Variants in TFCP2 observed in about 807,000 individuals in gnomAD.
TFCP2 encodes the protein transcription factor CP2, also known as alpha-globin transcription factor CP2.
A neutral mutation model predicts 73.4 loss-of-function variants in TFCP2; 33 were observed. The ratio of observed to expected loss-of-function variants is 0.45; its 90% confidence interval spans 0.34 to 0.60. The LOEUF is 0.60. Ranked by LOEUF, TFCP2 falls within the 20% of genes least tolerant of loss-of-function variation. The probability of loss-of-function intolerance (pLI) is 0.01; values close to 1 mark genes in which losing one functional copy is unlikely to be tolerated. For missense variants in TFCP2, 352 were observed against 604.0 expected (o/e 0.58, Z 4.37); for synonymous variants, 193 against 211.6 (o/e 0.91, Z 0.76).
In TFCP2 at chr12:51,097,459, G is replaced by A. The variant is rs574115221; in HGVS notation, c.1419+1317C>T. On this transcript the variant is annotated intron_variant, in intron 13 of 14. Transcript: ENST00000257915. ...GATGGGGTTTCACCATCTTGGACAC[G>A]ATGGTCTTGAACTTCTGACCTTGTG... Among the ~76,000 whole-genome samples, 8 of 151,954 alleles carry A rather than the reference G, an allele frequency of 5.3e-5. No homozygotes were observed. The East Asian group carries it at 9.8e-4, about 19-fold the overall frequency.
At chr12:51,171,882 C>G (rs1941870220) in intron 1 of TFCP2, among the ~76,000 whole-genome samples, 1 of 152,184 alleles carries the variant, frequency 6.6e-6, no homozygotes, top group African/African-American at 2.4e-5. Context: ...ATCTTTCCAA[C>G]AAGAAACGAA....
At position 51,104,316 on chromosome 12, in the gene TFCP2, C is replaced by T. The variant is rs538698305; in HGVS notation, c.918-113G>A. On this transcript the variant is annotated intron_variant, in intron 8 of 14. Coordinates refer to ENST00000257915, the MANE Select transcript of TFCP2 (RefSeq NM_005653.5). ...GCTAGAGATTAAAAAAAAATCTGTGCTCTCTCATAACACATTCTTATTCTT... is the reference window on the plus strand; with the variant it reads ...GCTAGAGATTAAAAAAAAATCTGTGTTCTCTCATAACACATTCTTATTCTT... The T allele has an allele frequency of 7.9e-4, 685 of 870,880 alleles. 2 individuals are homozygous for T. In the African/African-American group the frequency reaches 0.011, roughly 14 times the overall value. 53.9% of individuals were successfully genotyped at this position (870,880 alleles called of 1,614,324 possible).
chr12:51,169,627 G>A (rs1182183100), intron 1 of TFCP2, among the ~76,000 whole-genome samples: 4 of 152,200 alleles, frequency 2.6e-5, no homozygotes, highest in Non-Finnish European at 4.4e-5. Flanking sequence ...GAAGGCTGAA[G>A]TGAGAGGATC....
chr12:51,116,143 A>G (rs937507255), intron 4 of TFCP2, among the ~76,000 whole-genome samples, 172 bp downstream of exon 4: 4 of 152,246 alleles, frequency 2.6e-5, no homozygotes, highest in Non-Finnish European at 2.9e-5. Flanking sequence ...TTCAATTTTG[A>G]TATCATTTTA....
At chr12:51,098,108 C>A (rs1387358092) in intron 13 of TFCP2, among the ~76,000 whole-genome samples, 4 of 151,106 alleles carry the variant, frequency 2.6e-5, no homozygotes, top group Admixed American at 2.0e-4. Flanking sequence ...AGAATTCTAA[C>A]TGTTAAAGAA....
At position 51,104,215 on chromosome 12, in the gene TFCP2, T is replaced by C; in HGVS notation, c.918-12A>G. 1.2e-6 allele frequency: 2 copies of C among 1,613,206 alleles called. No homozygotes were observed. The highest frequency in any genetic ancestry group is 1.7e-6 in the Non-Finnish European group (2 of 1,179,380). Reference sequence around the variant, plus strand: ...TTGGTGAACCATTTCTAAAGAAACATTTAAAATGAAAGGATGAGTCCATGA... The same window carrying C: ...TTGGTGAACCATTTCTAAAGAAACACTTAAAATGAAAGGATGAGTCCATGA... On this transcript the variant is annotated splice_polypyrimidine_tract_variant and intron_variant, in intron 8 of 14. Coordinates refer to ENST00000257915, the MANE Select transcript of TFCP2 (RefSeq NM_005653.5).
rs1369076025 is a variant in TFCP2 at position 51,099,863 on chromosome 12, T to G, written c.1152-84A>C. ...GAAGGGAGAAATTGTGTTTCTACAT[T>G]AATCGTATAGAGCAGATGAAAATTG... On this transcript the variant is annotated intron_variant, in intron 11 of 14. Transcript: ENST00000257915. 6 of 1,534,242 alleles carry G rather than the reference T, an allele frequency of 3.9e-6. No individual in the cohort carries two copies. In the East Asian group the frequency reaches 1.4e-4, roughly 35 times the overall value.
intron 1 of TFCP2, among the ~76,000 whole-genome samples, chr12:51,138,393 G>C (rs1941111322): frequency 6.6e-6 from 1 of 152,158 alleles, no homozygotes; most frequent in Non-Finnish European, 1.5e-5. Flanking sequence ...CTGGCCTTAA[G>C]TGATCCAACC....
Position 51,124,830 on chromosome 12 carries a change from C to A in TFCP2, c.123-6058G>T, listed in dbSNP as rs765851539. 10 of 1,240,796 alleles carry A rather than the reference C, an allele frequency of 8.1e-6. No individual in the cohort carries two copies. In the Admixed American group the frequency reaches 1.4e-4, roughly 17 times the overall value. 76.9% of individuals were successfully genotyped at this position (1,240,796 alleles called of 1,614,324 possible). On this transcript the variant is annotated intron_variant, in intron 1 of 14. Coordinates refer to ENST00000257915, the MANE Select transcript of TFCP2 (RefSeq NM_005653.5). ...AGCCTTTTCCTTCACAAATCTGGCC[C>A]TCTCTGCTTCCTGCTGAGCCACCTG...
intron 1 of TFCP2, among the ~76,000 whole-genome samples, chr12:51,165,316 A>G (rs1156923856): frequency 6.6e-6 from 1 of 152,194 alleles, no homozygotes; most frequent in Non-Finnish European, 1.5e-5. Flanking sequence ...ATTATATACC[A>G]TGACCAACAT....
chr12:51,108,717 T>C (rs1348646088), intron 6 of TFCP2, among the ~76,000 whole-genome samples: 1 of 152,014 alleles, frequency 6.6e-6, no homozygotes, highest in Non-Finnish European at 1.5e-5. Flanking sequence ...AAACTATGAT[T>C]GCGTCACTGC....
rs750936366 is a variant in TFCP2, at chr12:51,116,312, C to T, written c.457+3G>A. 8.9e-6 allele frequency: 14 copies of T among 1,568,886 alleles called. No individual in the cohort carries two copies. The highest frequency in any genetic ancestry group is 1.7e-4 in the Middle Eastern group (1 of 5,972). On this transcript the variant is annotated splice_donor_region_variant and intron_variant, in intron 4 of 14. Coordinates refer to ENST00000257915, the MANE Select transcript of TFCP2 (RefSeq NM_005653.5). ...TCCTAGGCAATAGATTCTCTTAACTCACCTATGTCAAGAATTCTGTCTCCA... is the reference window on the plus strand; with the variant it reads ...TCCTAGGCAATAGATTCTCTTAACTTACCTATGTCAAGAATTCTGTCTCCA...
rs1025604083 is a variant in TFCP2 at position 51,094,954 on chromosome 12, C to T, written c.*287G>A. On this transcript the variant is annotated 3_prime_UTR_variant, in exon 15 of 15. Coordinates refer to ENST00000257915, the MANE Select transcript of TFCP2 (RefSeq NM_005653.5). ...TCCCATCATCATTATGCCCTACATACACTCTAAATTATGTAGAGTTTCTAC... is the reference window on the plus strand; with the variant it reads ...TCCCATCATCATTATGCCCTACATATACTCTAAATTATGTAGAGTTTCTAC... The T allele has an allele frequency of 2.3e-6, 1 of 442,506 alleles. No individual in the cohort carries two copies. The highest frequency in any genetic ancestry group is 3.5e-5 in the Admixed American group (1 of 28,520). The allele number at this position is 442,506 out of a possible 1,614,324, so 27.4% of individuals were successfully genotyped here.
intron 1 of TFCP2, among the ~76,000 whole-genome samples, chr12:51,123,683 C>A (rs1046036087): frequency 1.3e-5 from 2 of 152,168 alleles, no homozygotes; most frequent in African/African-American, 4.8e-5. Flanking sequence ...CACCTCTTCT[C>A]CCAAAGTGTT....
At chr12:51,146,844 T>C (rs1339745605) in intron 1 of TFCP2, among the ~76,000 whole-genome samples, 1 of 152,240 alleles carries the variant, frequency 6.6e-6, no homozygotes, top group African/African-American at 2.4e-5. Context: ...ACATGTCTTA[T>C]CTTCTCCATC....
chr12:51,149,367 TA>T (rs1260630857), intron 1 of TFCP2, among the ~76,000 whole-genome samples: 2 of 151,628 alleles, frequency 1.3e-5, no homozygotes, highest in African/African-American at 4.8e-5. Context: ...AAATCACCAC[TA>T]AAGAACTTAT....
chr12:51,116,912 C>T (rs1371938558), intron 3 of TFCP2, among the ~76,000 whole-genome samples: 1 of 152,184 alleles, frequency 6.6e-6, no homozygotes, highest in Non-Finnish European at 1.5e-5. Flanking sequence ...CCACCGGGTC[C>T]AGCCAATTTC....
At chr12:51,162,657 A>G (rs551971042) in intron 1 of TFCP2, among the ~76,000 whole-genome samples, 1 of 152,252 alleles carries the variant, frequency 6.6e-6, no homozygotes, top group East Asian at 1.9e-4. Flanking sequence ...CATGATGTAC[A>G]AGAGCTCTTG....
At position 51,094,987 on chromosome 12, in the gene TFCP2, TAAC is replaced by T. The variant is rs1166353054; in HGVS notation, c.*251_*253del. 5 of 510,968 alleles carry T rather than the reference TAAC, an allele frequency of 9.8e-6. No homozygotes were observed. Among genetic ancestry groups the T allele is most frequent in the African/African-American group, 1.9e-5 (1 of 52,944 alleles). The allele number at this position is 510,968 out of a possible 1,614,324, so 31.7% of individuals were successfully genotyped here. On this transcript the variant is annotated 3_prime_UTR_variant, in exon 15 of 15. Coordinates refer to ENST00000257915, the MANE Select transcript of TFCP2 (RefSeq NM_005653.5). Reference sequence around the variant, plus strand: ...ATTATGTAGAGTTTCTACTGATATTTAACAACAACAAGGTCCAGAAATTTAACT... The same window carrying T: ...ATTATGTAGAGTTTCTACTGATATTTAACAACAAGGTCCAGAAATTTAACT...
Sources: allele counts gnomAD v4.1 joint callset (sites outside exome capture counted in the v4.1 genomes callset), GRCh38; gene constraint gnomAD v4.1.1; transcripts MANE v1.5; gene names NCBI Gene and HGNC (gene_info 2026-07-23, HGNC 2026-07-21).